NIT2: variants seen among roughly 807,000 people sequenced by gnomAD.
NIT2 encodes the protein nitrilase family member 2.
Under a neutral mutation model 42.7 loss-of-function variants are expected in NIT2, and 46 were observed. That is an observed-to-expected ratio of 1.08 (90% confidence interval 0.85 to 1.38). NIT2 has a LOEUF of 1.38. NIT2 is among the 40% of genes most tolerant of loss of function. The pLI is 0.00. For synonymous variants in NIT2, 123 were observed against 121.9 expected (o/e 1.01, Z -0.06); for missense variants, 309 against 342.5 (o/e 0.90, Z 0.77).
intron 4 of NIT2, 49 bp downstream of exon 4, chr3:100,341,210 A>C: frequency 3.6e-6 from 5 of 1,390,134 alleles, no homozygotes; most frequent in Non-Finnish European, 5.1e-6. Context: ...AGCCAGCAAC[A>C]ATGTGTGGAA....
intron 6 of NIT2, among the ~76,000 whole-genome samples, 177 bp downstream of exon 6, chr3:100,346,432 T>G (rs1026094109): frequency 6.6e-6 from 1 of 152,118 alleles, no homozygotes; most frequent in African/African-American, 2.4e-5. Flanking sequence ...ACAGGGTTTT[T>G]GGGGGGTTGT....
intron 5 of NIT2, 149 bp downstream of exon 5, chr3:100,345,827 G>A: frequency 1.6e-6 from 1 of 637,706 alleles, no homozygotes; most frequent in Non-Finnish European, 2.7e-6. Flanking sequence ...GATCTGGAAA[G>A]TTCGGGCTTA....
chr3:100,348,540 A>G (rs1214546867), intron 6 of NIT2, among the ~76,000 whole-genome samples: 1 of 152,164 alleles, frequency 6.6e-6, no homozygotes, highest in East Asian at 1.9e-4. Context: ...ACCGTCCTGT[A>G]TTATTTCTGT....
chr3:100,354,311 C>T (rs1054510222), intron 8 of NIT2, among the ~76,000 whole-genome samples: 2 of 152,224 alleles, frequency 1.3e-5, no homozygotes, highest in African/African-American at 4.8e-5. Flanking sequence ...CCTGCCTAGG[C>T]CCAGCTTCAC....
intron 3 of NIT2, among the ~76,000 whole-genome samples, chr3:100,340,632 C>T (rs1706138366): frequency 1.3e-5 from 2 of 152,154 alleles, no homozygotes; most frequent in South Asian, 2.1e-4. Flanking sequence ...TCTGACTTTA[C>T]GTTCTCATCT....
intron 2 of NIT2, 33 bp downstream of exon 2, chr3:100,339,238 A>G: frequency 3.0e-6 from 4 of 1,316,338 alleles, no homozygotes; most frequent in Non-Finnish European, 4.4e-6. Context: ...TGTTCTAGCC[A>G]CTGTACACCC....
At chr3:100,341,930 C>A (rs1251580099) in intron 4 of NIT2, among the ~76,000 whole-genome samples, 2 of 151,978 alleles carry the variant, frequency 1.3e-5, no homozygotes, top group Non-Finnish European at 2.9e-5. Flanking sequence ...ATAGTCCCAG[C>A]TACTCAGGAA....
Position 100,352,506 on chromosome 3 carries a change from A to C in NIT2, c.683+4A>C, listed in dbSNP as rs781536785. 5.6e-6 allele frequency: 9 copies of C among 1,608,490 alleles called. No individual in the cohort carries two copies. The highest frequency in any genetic ancestry group is 6.8e-6 in the Non-Finnish European group (8 of 1,175,492). Reference sequence around the variant, plus strand: ...ACAGCACCGTGGTGAACCCTTGGTGAGTAAGGCTAAGTGAGAATAGGCTCA... The same window carrying C: ...ACAGCACCGTGGTGAACCCTTGGTGCGTAAGGCTAAGTGAGAATAGGCTCA... On this transcript the variant is annotated splice_donor_region_variant and intron_variant, in intron 8 of 9. Coordinates refer to ENST00000394140, the MANE Select transcript of NIT2 (RefSeq NM_020202.5).
chr3:100,339,261 G>T, intron 2 of NIT2, 56 bp downstream of exon 2: 2 of 1,093,496 alleles, frequency 1.8e-6, no homozygotes, highest in South Asian at 1.2e-5. Flanking sequence ...GCAGAACGGT[G>T]TTTGCTAGCT....
intron 6 of NIT2, among the ~76,000 whole-genome samples, chr3:100,348,530 A>AC (rs1706240387): frequency 6.6e-6 from 1 of 152,114 alleles, no homozygotes; most frequent in Admixed American, 6.5e-5. Context: ...TTCTCTTGCG[A>AC]CCGTCCTGTA....
rs555428669 is a variant in NIT2 at position 100,348,533 on chromosome 3, G to A, written c.506-270G>A. On this transcript the variant is annotated intron_variant, in intron 6 of 9. Coordinates refer to ENST00000394140, the MANE Select transcript of NIT2 (RefSeq NM_020202.5). ...TGGAATTTTCTGTTCTCTTGCGACC[G>A]TCCTGTATTATTTCTGTCTCAAAGT... Among the ~76,000 whole-genome samples, 121 of 152,164 alleles carry A rather than the reference G, an allele frequency of 8.0e-4. 1 individual carries two copies. Among genetic ancestry groups the A allele is most frequent in the East Asian group, 7.7e-4 (4 of 5,184 alleles).
intron 5 of NIT2, 161 bp from the exon 6 acceptor site, chr3:100,346,020 G>A: frequency 1.6e-6 from 1 of 625,334 alleles, no homozygotes; most frequent in South Asian, 1.9e-5. Flanking sequence ...ATGAGATGAA[G>A]TCCAAGTAGG....
intron 7 of NIT2, 114 bp from the exon 8 acceptor site, chr3:100,352,290 A>T (rs750810352): frequency 2.7e-6 from 2 of 732,678 alleles, no homozygotes; most frequent in South Asian, 3.5e-5. Flanking sequence ...TTCCTTCTAC[A>T]TCTGAGTTAG....
In NIT2 at chr3:100,341,978, C is replaced by T. The variant is rs151164291; in HGVS notation, c.336+817C>T. Among the ~76,000 whole-genome samples, 88 of 151,910 alleles carry T rather than the reference C, an allele frequency of 5.8e-4. No individual in the cohort carries two copies. In the East Asian group the frequency reaches 0.015, roughly 25 times the overall value. On this transcript the variant is annotated intron_variant, in intron 4 of 9. Transcript: ENST00000394140. Reference sequence around the variant, plus strand: ...GAATTGCTTGAACCCAGGAGGTGGACGCTGCAGTGAGCCAAGATTGCGCCA... The same window carrying T: ...GAATTGCTTGAACCCAGGAGGTGGATGCTGCAGTGAGCCAAGATTGCGCCA...
chr3:100,359,773 C>T lies in NIT2; in HGVS notation c.*4505C>T, dbSNP rs1230686359. The T allele has an allele frequency of 6.6e-6, 1 of 152,208 alleles. No individual in the cohort carries two copies. Among genetic ancestry groups the T allele is most frequent in the Admixed American group, 6.5e-5 (1 of 15,276 alleles). The allele number at this position is 152,208 out of a possible 1,614,324, so 9.4% of individuals were successfully genotyped here. On this transcript the variant is annotated 3_prime_UTR_variant, in exon 10 of 10. Coordinates refer to ENST00000394140, the MANE Select transcript of NIT2 (RefSeq NM_020202.5). ...CATAGCTCTCCTGTTGGCTTTTCCC[C>T]ACTCGTTTAAAAACAACCACTTCAC...
At chr3:100,348,988 T>C in intron 7 of NIT2, 107 bp downstream of exon 7, 1 of 879,192 alleles carries the variant, frequency 1.1e-6, no homozygotes, top group South Asian at 1.5e-5. Flanking sequence ...TGTCCCTGAC[T>C]CAGGATGCCC....
At chr3:100,338,001 G>A (rs541492020) in intron 1 of NIT2, among the ~76,000 whole-genome samples, 1 of 152,272 alleles carries the variant, frequency 6.6e-6, no homozygotes, top group East Asian at 1.9e-4. Flanking sequence ...AACTGAGTAG[G>A]TCAAGGCTGC....
chr3:100,349,107 A>ATTT, intron 7 of NIT2: 1 of 316,756 alleles, frequency 3.2e-6, no homozygotes, highest in Non-Finnish European at 5.7e-6. Flanking sequence ...TGGAAACTGT[A>ATTT]CTTTTTTTTT....
intron 2 of NIT2, 27 bp from the exon 3 acceptor site, chr3:100,339,788 T>C (rs1706126927): frequency 1.9e-6 from 3 of 1,596,050 alleles, no homozygotes; most frequent in Non-Finnish European, 2.6e-6. Flanking sequence ...TTTTGATCTT[T>C]TTTTTTCTCT....
Sources: allele counts gnomAD v4.1 joint callset (sites outside exome capture counted in the v4.1 genomes callset), GRCh38; gene constraint gnomAD v4.1.1; transcripts MANE v1.5; gene names NCBI Gene and HGNC (gene_info 2026-07-23, HGNC 2026-07-21).